The following DTNBP1 variants were observed in gnomAD, a reference collection of about 807,000 sequenced individuals.
The protein encoded by DTNBP1 is dystrobrevin binding protein 1.
A neutral mutation model predicts 42.8 loss-of-function variants in DTNBP1; 35 were observed. The ratio of observed to expected loss-of-function variants is 0.82; its 90% CI spans 0.63 to 1.09. DTNBP1 has a LOEUF of 1.09. Among genes scored for constraint, DTNBP1 ranks in the 50% least tolerant of loss-of-function variants. The probability of loss-of-function intolerance (pLI) is 0.00; values close to 1 mark genes in which losing one functional copy is unlikely to be tolerated. For synonymous variants in DTNBP1, 171 were observed against 162.2 expected (o/e 1.05, Z -0.41); for missense variants, 457 against 424.2 (o/e 1.08, Z -0.68).
At chr6:15,583,084 G>GT (rs1197066570) in intron 7 of DTNBP1, among the ~76,000 whole-genome samples, 1 of 152,158 alleles carries the variant, frequency 6.6e-6, no homozygotes, top group Non-Finnish European at 1.5e-5. Flanking sequence ...AGCCTCAAGT[G>GT]ATCCTTCCAC....
intron 5 of DTNBP1, among the ~76,000 whole-genome samples, chr6:15,618,138 C>T (rs1758820226): frequency 6.6e-6 from 1 of 151,760 alleles, no homozygotes; most frequent in Non-Finnish European, 1.5e-5. Context: ...ACACAAGGAA[C>T]CCAAACAATG....
intron 4 of DTNBP1, among the ~76,000 whole-genome samples, chr6:15,636,698 TC>T (rs1386950282): frequency 1.3e-5 from 2 of 152,180 alleles, no homozygotes; most frequent in Non-Finnish European, 2.9e-5. Context: ...ATCAAAAGTC[TC>T]AGATTCAGAT....
intron 7 of DTNBP1, among the ~76,000 whole-genome samples, chr6:15,557,718 T>C (rs1406260508): frequency 3.3e-5 from 5 of 152,182 alleles, no homozygotes; most frequent in African/African-American, 9.6e-5. Flanking sequence ...AAAAAGAGAT[T>C]GTTTGGAAAG....
chr6:15,612,085 T>C (rs182723827), intron 6 of DTNBP1, among the ~76,000 whole-genome samples: 1 of 152,316 alleles, frequency 6.6e-6, no homozygotes, highest in East Asian at 1.9e-4. Flanking sequence ...AGTCAATCGA[T>C]GTAGCAAACT....
At chr6:15,530,662 T>C (rs1772756935) in intron 8 of DTNBP1, among the ~76,000 whole-genome samples, 1 of 151,692 alleles carries the variant, frequency 6.6e-6, no homozygotes, top group South Asian at 2.1e-4. Context: ...TACTTCATCA[T>C]CCTCTCGGGG....
At chr6:15,642,708 A>G (rs1760448292) in intron 3 of DTNBP1, among the ~76,000 whole-genome samples, 1 of 152,222 alleles carries the variant, frequency 6.6e-6, no homozygotes, top group Non-Finnish European at 1.5e-5. Flanking sequence ...GAAGCTATCC[A>G]TAACCAAGGA....
intron 1 of DTNBP1, among the ~76,000 whole-genome samples, chr6:15,654,001 C>T (rs536494372): frequency 1.3e-5 from 2 of 152,250 alleles, no homozygotes; most frequent in South Asian, 4.1e-4. Context: ...TGATTAAGCA[C>T]CATATGGGGA....
intron 7 of DTNBP1, among the ~76,000 whole-genome samples, chr6:15,561,563 C>T (rs193248777): frequency 6.6e-6 from 1 of 152,278 alleles, no homozygotes. Context: ...AATATCATCA[C>T]CCCATTCAGC....
intron 5 of DTNBP1, among the ~76,000 whole-genome samples, chr6:15,622,254 G>A (rs1392704118): frequency 6.6e-6 from 1 of 152,102 alleles, no homozygotes; most frequent in Non-Finnish European, 1.5e-5. Context: ...GATACTTTTA[G>A]TATATTAAAC....
At chr6:15,573,162 T>C (rs1048340235) in intron 7 of DTNBP1, among the ~76,000 whole-genome samples, 1 of 150,714 alleles carries the variant, frequency 6.6e-6, no homozygotes, top group Admixed American at 6.6e-5. Flanking sequence ...TCCACTTACT[T>C]TTTTTTAGGT....
At position 15,562,751 on chromosome 6, in the gene DTNBP1, C is replaced by T. The variant is rs371216372; in HGVS notation, c.512-29356G>A. Among the ~76,000 whole-genome samples, 38 of 152,276 alleles carry T rather than the reference C, an allele frequency of 2.5e-4. 1 individual carries two copies. The East Asian group carries it at 3.7e-3, about 15-fold the overall frequency. On this transcript the variant is annotated intron_variant, in intron 7 of 9. Transcript: ENST00000344537. ...AAATTATGCAGGCCATAATCTCTGACCATGCAGTATTAAAGGCAGGCAGAC... is the reference window on the plus strand; with the variant it reads ...AAATTATGCAGGCCATAATCTCTGATCATGCAGTATTAAAGGCAGGCAGAC...
intron 7 of DTNBP1, among the ~76,000 whole-genome samples, chr6:15,547,998 G>A (rs539356039): frequency 2.4e-4 from 36 of 152,286 alleles, no homozygotes; most frequent in Middle Eastern, 3.4e-3. Flanking sequence ...AGTGAGATGT[G>A]AGAAAGTGAA....
intron 7 of DTNBP1, among the ~76,000 whole-genome samples, chr6:15,574,506 T>C (rs1775480117): frequency 6.6e-6 from 1 of 152,254 alleles, no homozygotes; most frequent in African/African-American, 2.4e-5. Context: ...GTACCATCCA[T>C]ATAATTTTAG....
chr6:15,568,300 T>C (rs942139414), intron 7 of DTNBP1, among the ~76,000 whole-genome samples: 4 of 152,352 alleles, frequency 2.6e-5, no homozygotes, highest in South Asian at 4.1e-4. Flanking sequence ...TCCAATCATA[T>C]TTCTCCATGC....
chr6:15,550,411 T>C (rs1774146472), intron 7 of DTNBP1, among the ~76,000 whole-genome samples: 1 of 152,330 alleles, frequency 6.6e-6, no homozygotes, highest in South Asian at 2.1e-4. Flanking sequence ...CCACAACATT[T>C]ACATATATTT....
intron 3 of DTNBP1, 115 bp from the exon 4 acceptor site, chr6:15,637,919 T>C (rs1370629074): frequency 1.1e-5 from 12 of 1,134,520 alleles, no homozygotes; most frequent in South Asian, 6.5e-5. Context: ...CAAAAAATAA[T>C]GGGGACATGT....
Position 15,591,464 on chromosome 6 carries a change from A to G in DTNBP1, c.511+1595T>C, listed in dbSNP as rs551663026. Among the ~76,000 whole-genome samples, 201 of 152,266 alleles carry G rather than the reference A, an allele frequency of 1.3e-3. 1 individual carries two copies. Among genetic ancestry groups the G allele is most frequent in the African/African-American group, 4.6e-3 (190 of 41,556 alleles). ...CAAGAAGAAACAATTTTGAATGAAC[A>G]CTGATAATAAAAATCTAGATATAAT... On this transcript the variant is annotated intron_variant, in intron 7 of 9. Coordinates refer to ENST00000344537, the MANE Select transcript of DTNBP1 (RefSeq NM_032122.5).
intron 1 of DTNBP1, among the ~76,000 whole-genome samples, chr6:15,655,849 C>T (rs754514577): frequency 1.7e-4 from 26 of 152,024 alleles, no homozygotes; most frequent in Non-Finnish European, 3.2e-4. Flanking sequence ...CTGAAATTAG[C>T]CCACTATTTT....
chr6:15,569,353 A>ACCCCCCCCC (rs11332178), intron 7 of DTNBP1, among the ~76,000 whole-genome samples: 2 of 127,242 alleles, frequency 1.6e-5, no homozygotes, highest in Admixed American at 8.3e-5. Flanking sequence ...GCCAGTTAAG[A>ACCCCCCCCC]CCCCCCCCCG....
Sources: allele counts gnomAD v4.1 joint callset (sites outside exome capture counted in the v4.1 genomes callset), GRCh38; gene constraint gnomAD v4.1.1; transcripts MANE v1.5; gene names NCBI Gene and HGNC (gene_info 2026-07-23, HGNC 2026-07-21).